DCAF6: variants seen among roughly 807,000 people sequenced by gnomAD.
DCAF6 encodes the protein DDB1- and CUL4-associated factor 6.
DCAF6 carries 54 observed loss-of-function variants against 125.1 expected under a neutral mutation model. The observed-to-expected ratio is 0.43, with a 90% CI of 0.35 to 0.54. The LOEUF (loss-of-function observed/expected upper bound fraction) is 0.54, where lower values mean the gene tolerates loss of function less well. Among genes scored for constraint, DCAF6 ranks in the 20% least tolerant of loss-of-function variants. DCAF6 has a pLI of 0.01. For synonymous variants in DCAF6, 371 were observed against 390.4 expected (o/e 0.95, Z 0.58); for missense variants, 934 against 1,161.7 (o/e 0.80, Z 2.85).
chr1:167,903,955 A>C, the DCAF6 span: 1 of 1,614,060 alleles, frequency 6.2e-7, no homozygotes, highest in Non-Finnish European at 8.5e-7. Context: ...GTCCATGTAC[A>C]TGGCACTGCT....
At chr1:167,989,082 A>G (rs1680443190) in intron 5 of DCAF6, among the ~76,000 whole-genome samples, 1 of 127,650 alleles carries the variant, frequency 7.8e-6, no homozygotes, top group African/African-American at 2.8e-5. Context: ...TCCATCTCAA[A>G]CAAAACAAAA....
intron 13 of DCAF6, among the ~76,000 whole-genome samples, chr1:168,041,998 GC>G (rs1480966332): frequency 6.6e-6 from 1 of 150,746 alleles, no homozygotes; most frequent in Non-Finnish European, 1.5e-5. Context: ...CTGATGCATA[GC>G]CTTCCTGACA....
At chr1:167,880,329 G>T in the DCAF6 span, 1 of 989,814 alleles carries the variant, frequency 1.0e-6, no homozygotes, top group Non-Finnish European at 1.6e-6. Context: ...TTAGTTTATG[G>T]CATTTCTACA....
At chr1:168,045,248 C>T (rs1363315313) in intron 16 of DCAF6, 21 bp downstream of exon 16, 1 of 1,559,906 alleles carries the variant, frequency 6.4e-7, no homozygotes, top group South Asian at 1.2e-5. Context: ...TTTTAATTAA[C>T]ATGAACTGTA....
chr1:167,945,601 C>G (rs1385164024), intron 1 of DCAF6, among the ~76,000 whole-genome samples: 1 of 152,140 alleles, frequency 6.6e-6, no homozygotes, highest in African/African-American at 2.4e-5. Flanking sequence ...AAGCACTTCT[C>G]CTGCCTGAGC....
At position 167,936,917 on chromosome 1, in the gene DCAF6, T is replaced by C; in HGVS notation, c.6T>C (p.Ser2=). Residue 2 remains serine (S), a synonymous_variant, in exon 1 of 22, where the codon TCT becomes TCC. Coordinates refer to ENST00000367840, the MANE Select transcript of DCAF6 (RefSeq NM_001198956.2). ...CACCCGGCTCAGGCAGAGCCATGTC[T>C]CGGGGTGGCTCCTACCCACACCTGT... M[S]RGGSYPHLLW... The C allele has an allele frequency of 6.2e-7, 1 of 1,602,718 alleles. No homozygotes were observed. Among genetic ancestry groups the C allele is most frequent in the Non-Finnish European group, 8.5e-7 (1 of 1,175,916 alleles).
intron 4 of DCAF6, among the ~76,000 whole-genome samples, chr1:167,979,886 CAAAAT>C (rs1678848744): frequency 6.7e-6 from 1 of 149,452 alleles, no homozygotes; most frequent in Non-Finnish European, 1.5e-5. Context: ...GACTCTGTCT[CAAAAT>C]AAATAAACAG....
intron 17 of DCAF6, among the ~76,000 whole-genome samples, chr1:168,059,086 T>C (rs1227479286): frequency 6.6e-6 from 1 of 152,216 alleles, no homozygotes; most frequent in African/African-American, 2.4e-5. Flanking sequence ...TTTATGCTTG[T>C]CACTTTCTTT....
chr1:167,905,002 C>T, the DCAF6 span: 42 of 1,614,050 alleles, frequency 2.6e-5, no homozygotes, highest in African/African-American at 5.5e-4. Context: ...CCTGAAATAT[C>T]AACAAACATC....
chr1:167,989,940 C>T lies in DCAF6; in HGVS notation c.553-1264C>T, dbSNP rs375816671. Among the ~76,000 whole-genome samples the T allele has an allele frequency of 8.5e-5, 13 of 152,078 alleles. No homozygotes were observed. The East Asian group carries it at 2.5e-3, about 29-fold the overall frequency. ...CAGTATGGAATCAACAGAGTACCTTCAGGATATGTTTGGGGTACTAGCTCT... is the reference window on the plus strand; with the variant it reads ...CAGTATGGAATCAACAGAGTACCTTTAGGATATGTTTGGGGTACTAGCTCT... On this transcript the variant is annotated intron_variant, in intron 5 of 21. Transcript: ENST00000367840.
intron 18 of DCAF6, among the ~76,000 whole-genome samples, chr1:168,064,883 A>G (rs1692129079): frequency 6.6e-6 from 1 of 152,216 alleles, no homozygotes; most frequent in African/African-American, 2.4e-5. Flanking sequence ...CTATTCCAGT[A>G]TATCATATGC....
intron 10 of DCAF6, among the ~76,000 whole-genome samples, chr1:168,008,692 T>C (rs1683712671): frequency 6.6e-6 from 1 of 152,134 alleles, no homozygotes; most frequent in Admixed American, 6.5e-5. Context: ...TGTGGACGTA[T>C]AAGAATTTAT....
chr1:167,993,047 C>G (rs1441112304), intron 6 of DCAF6, among the ~76,000 whole-genome samples, 179 bp from the exon 7 acceptor site: 1 of 152,066 alleles, frequency 6.6e-6, no homozygotes, highest in Non-Finnish European at 1.5e-5. Flanking sequence ...ATACCATATT[C>G]TTTTTTGTTT....
At chr1:167,993,755 A>AAAC (rs34875817) in intron 7 of DCAF6, among the ~76,000 whole-genome samples, 280 of 151,680 alleles carry the variant, frequency 1.8e-3, no homozygotes, top group African/African-American at 4.6e-3. Flanking sequence ...GTCTCAGAAA[A>AAAC]AACAACAACA....
At chr1:168,024,304 TA>T (rs1686054157) in intron 12 of DCAF6, among the ~76,000 whole-genome samples, 1 of 152,054 alleles carries the variant, frequency 6.6e-6, no homozygotes, top group Non-Finnish European at 1.5e-5. Context: ...AAACATTTTT[TA>T]AAAAATTAGC....
intron 10 of DCAF6, among the ~76,000 whole-genome samples, chr1:168,005,869 A>G (rs760102282): frequency 3.7e-4 from 56 of 152,188 alleles, no homozygotes; most frequent in Admixed American, 9.2e-4. Flanking sequence ...ATAATAAGCT[A>G]AAGCTGAGCT....
At chr1:167,963,914 A>T (rs1676007453) in intron 2 of DCAF6, among the ~76,000 whole-genome samples, 1 of 152,228 alleles carries the variant, frequency 6.6e-6, no homozygotes, top group Non-Finnish European at 1.5e-5. Flanking sequence ...GTGTGAGTAC[A>T]AAGTAATTTT....
intron 11 of DCAF6, among the ~76,000 whole-genome samples, chr1:168,017,947 T>G (rs1004839000): frequency 6.6e-6 from 1 of 152,194 alleles, no homozygotes; most frequent in Non-Finnish European, 1.5e-5. Context: ...TTTAAGTGTT[T>G]TAGCTATAAG....
chr1:168,043,686 A>G (rs959091450), intron 14 of DCAF6, among the ~76,000 whole-genome samples: 1 of 152,172 alleles, frequency 6.6e-6, no homozygotes, highest in African/African-American at 2.4e-5. Flanking sequence ...GAAGGAATAA[A>G]TGAATTATAT....
Sources: gnomAD v4.1 joint callset for allele counts (sites outside exome capture counted in the v4.1 genomes callset) on GRCh38, gnomAD v4.1.1 for gene constraint, MANE v1.5 for transcripts, NCBI Gene and HGNC (gene_info 2026-07-23, HGNC 2026-07-21) for gene names.